L3MBTL4: variants seen among roughly 807,000 people sequenced by gnomAD.
L3MBTL4 encodes lethal(3)malignant brain tumor-like protein 4.
A neutral mutation model predicts 84.5 loss-of-function variants in L3MBTL4; 70 were observed. That is an observed-to-expected ratio of 0.83 (90% CI 0.68 to 1.01). The LOEUF is 1.01. L3MBTL4 is among the 50% of genes least tolerant of loss of function. L3MBTL4 has a pLI of 0.00. For missense variants in L3MBTL4, 715 were observed against 754.8 expected, an observed-to-expected ratio of 0.95 and a Z score of 0.62; for synonymous variants, 274 against 259.8, an observed-to-expected ratio of 1.05 and a Z score of -0.52.
chr18:6,159,462 C>A (rs1482847859), intron 13 of L3MBTL4, among the ~76,000 whole-genome samples: 2 of 152,324 alleles, frequency 1.3e-5, no homozygotes, highest in East Asian at 3.9e-4. Context: ...GTTTCATATT[C>A]CACACCCCTA....
intron 14 of L3MBTL4, among the ~76,000 whole-genome samples, chr18:6,133,461 C>T (rs1271190558): frequency 6.6e-6 from 1 of 152,110 alleles, no homozygotes; most frequent in Non-Finnish European, 1.5e-5. Flanking sequence ...GCAGAGTCCT[C>T]GCTAATACAG....
intron 4 of L3MBTL4, among the ~76,000 whole-genome samples, chr18:6,299,863 G>T (rs987913214): frequency 6.6e-6 from 1 of 151,908 alleles, no homozygotes. Flanking sequence ...GTAGAGATGG[G>T]GTTTCACCAT....
intron 4 of L3MBTL4, among the ~76,000 whole-genome samples, chr18:6,275,033 CAAAGGCATCT>C (rs1386557687): frequency 6.6e-6 from 1 of 152,128 alleles, no homozygotes; most frequent in Non-Finnish European, 1.5e-5. Context: ...CTTTGAAATC[CAAAGGCATCT>C]AAAGGAGACT....
chr18:6,151,205 C>G (rs950791617), intron 13 of L3MBTL4, among the ~76,000 whole-genome samples: 1 of 152,138 alleles, frequency 6.6e-6, no homozygotes, highest in African/African-American at 2.4e-5. Flanking sequence ...AACCACTGAC[C>G]CAGTCCACCC....
intron 12 of L3MBTL4, among the ~76,000 whole-genome samples, chr18:6,205,440 G>C (rs1214649746): frequency 6.6e-6 from 1 of 152,076 alleles, no homozygotes; most frequent in Admixed American, 6.6e-5. Context: ...TTTAAGTTCT[G>C]GGATACATGT....
chr18:6,013,278 A>C (rs1481500457), intron 16 of L3MBTL4, among the ~76,000 whole-genome samples: 1 of 152,162 alleles, frequency 6.6e-6, no homozygotes, highest in African/African-American at 2.4e-5. Context: ...AGTGAAGGGA[A>C]GACTCACCCG....
intron 1 of L3MBTL4, among the ~76,000 whole-genome samples, chr18:6,381,419 C>T (rs2054591105): frequency 2.0e-5 from 3 of 152,212 alleles, no homozygotes; most frequent in Middle Eastern, 3.2e-3. Flanking sequence ...GCAGTTTCTT[C>T]ATAGTGTCAA....
chr18:6,142,505 C>T (rs1292419824), intron 13 of L3MBTL4, among the ~76,000 whole-genome samples: 1 of 152,132 alleles, frequency 6.6e-6, no homozygotes, highest in Non-Finnish European at 1.5e-5. Flanking sequence ...GTTCTTATGA[C>T]TTTGTGAAAC....
intron 16 of L3MBTL4, among the ~76,000 whole-genome samples, chr18:6,029,068 T>A (rs551201205): frequency 3.5e-4 from 53 of 152,210 alleles, no homozygotes; most frequent in Non-Finnish European, 5.4e-4. Context: ...AAGTGAAAGT[T>A]TAAATCACCG....
chr18:6,302,995 A>C (rs1256166792), intron 3 of L3MBTL4, among the ~76,000 whole-genome samples: 1 of 152,068 alleles, frequency 6.6e-6, no homozygotes, highest in Non-Finnish European at 1.5e-5. Context: ...TGTCTCAAAA[A>C]AAAAATTGTA....
At chr18:6,068,450 C>G (rs1415941406) in intron 16 of L3MBTL4, among the ~76,000 whole-genome samples, 1 of 152,132 alleles carries the variant, frequency 6.6e-6, no homozygotes, top group Non-Finnish European at 1.5e-5. Flanking sequence ...ACCTCAGCTC[C>G]CCTGCCAGGC....
chr18:6,054,816 A>T (rs1019209600), intron 16 of L3MBTL4, among the ~76,000 whole-genome samples: 1 of 152,224 alleles, frequency 6.6e-6, no homozygotes, highest in Non-Finnish European at 1.5e-5. Flanking sequence ...GGGACCACAG[A>T]CATGGTTCTG....
chr18:6,121,050 C>T (rs2059507512), intron 14 of L3MBTL4, among the ~76,000 whole-genome samples: 1 of 152,048 alleles, frequency 6.6e-6, no homozygotes, highest in South Asian at 2.1e-4. Flanking sequence ...TTACAACATT[C>T]TATAAAAAAG....
At position 6,093,517 on chromosome 18, in the gene L3MBTL4, C is replaced by T. The variant is rs1255939413; in HGVS notation, c.1211G>A (p.Cys404Tyr). 4 of 1,612,192 alleles carry T rather than the reference C, an allele frequency of 2.5e-6. No homozygotes were observed. Among genetic ancestry groups the T allele is most frequent in the Admixed American group, 1.7e-5 (1 of 59,648 alleles). ...TTTCAAGTTCATGTCTGAATACGGG[C>T]AGCCAAAAGCACTGGTTTGTATAAA... The part of the protein sequence containing the change: ...RYSGHHSAFG[C>Y]PYSDMNLKKE... The change falls in exon 15 of 19, where the codon TGC becomes TAC. Residue 404 changes from cysteine to tyrosine, a missense_variant. Coordinates refer to ENST00000317931, the MANE Select transcript of L3MBTL4 (RefSeq NM_001330559.2).
intron 16 of L3MBTL4, among the ~76,000 whole-genome samples, chr18:6,061,966 A>C (rs2057237981): frequency 6.6e-6 from 1 of 151,774 alleles, no homozygotes; most frequent in Non-Finnish European, 1.5e-5. Context: ...AGCTATACTC[A>C]CCTAATTAAT....
intron 1 of L3MBTL4, among the ~76,000 whole-genome samples, chr18:6,406,747 T>C (rs1161735411): frequency 6.6e-6 from 1 of 152,036 alleles, no homozygotes; most frequent in Non-Finnish European, 1.5e-5. Context: ...TGTACCGAGA[T>C]TGAGAAACCC....
chr18:6,257,075 G>A (rs948991742), intron 5 of L3MBTL4, among the ~76,000 whole-genome samples: 7 of 152,162 alleles, frequency 4.6e-5, no homozygotes, highest in Non-Finnish European at 7.3e-5. Context: ...ACTGTAGTAC[G>A]CTGGACACTT....
At chr18:6,181,955 A>G (rs2044493385) in intron 12 of L3MBTL4, among the ~76,000 whole-genome samples, 4 of 152,188 alleles carry the variant, frequency 2.6e-5, no homozygotes, top group Admixed American at 2.6e-4. Flanking sequence ...TACTGTAAGT[A>G]GTGCCGTGAT....
intron 4 of L3MBTL4, among the ~76,000 whole-genome samples, chr18:6,279,417 CAAG>C (rs944646888): frequency 1.3e-5 from 2 of 152,036 alleles, no homozygotes; most frequent in Non-Finnish European, 2.9e-5. Context: ...GGGATGAAGA[CAAG>C]AAGAAACTGC....
Sources: gnomAD v4.1 joint callset for allele counts (sites outside exome capture counted in the v4.1 genomes callset) on GRCh38, gnomAD v4.1.1 for gene constraint, MANE v1.5 for transcripts, NCBI Gene and HGNC (gene_info 2026-07-23, HGNC 2026-07-21) for gene names.